PCDHA8: variants seen among roughly 807,000 people sequenced by gnomAD.
PCDHA8 encodes protocadherin alpha-8.
Under a neutral mutation model 61.8 loss-of-function variants are expected in PCDHA8, and 53 were observed. The observed-to-expected ratio is 0.86, with a 90% CI of 0.69 to 1.08. PCDHA8 has a LOEUF of 1.08. Ranked by LOEUF, PCDHA8 falls within the 50% of genes least tolerant of loss-of-function variation. PCDHA8 has a pLI of 0.00. For synonymous variants in PCDHA8, 618 were observed against 556.6 expected (o/e 1.11, Z -1.55); for missense variants, 1,293 against 1,245.0 (o/e 1.04, Z -0.58).
At chr5:140,972,783 C>T (rs1437997582) in intron 1 of PCDHA8, among the ~76,000 whole-genome samples, 2 of 151,768 alleles carry the variant, frequency 1.3e-5, no homozygotes, top group African/African-American at 4.8e-5. Context: ...TCTGCCTCAG[C>T]CTCCTGAGTA....
At chr5:140,912,116 C>G (rs2075772929) in intron 1 of PCDHA8, among the ~76,000 whole-genome samples, 1 of 152,188 alleles carries the variant, frequency 6.6e-6, no homozygotes, top group Non-Finnish European at 1.5e-5. Context: ...GGCTGGGAGG[C>G]TAAGTCAGTC....
chr5:140,861,923 A>G (rs898939301), intron 1 of PCDHA8: 1 of 153,990 alleles, frequency 6.5e-6, no homozygotes, highest in African/African-American at 2.4e-5. Flanking sequence ...GCTGGATGTA[A>G]ATGATGATGC....
At chr5:140,970,953 G>A (rs975435719) in intron 1 of PCDHA8, among the ~76,000 whole-genome samples, 16 of 152,110 alleles carry the variant, frequency 1.1e-4, no homozygotes, top group South Asian at 4.1e-4. Flanking sequence ...AGAAACCATG[G>A]GAGGCAGATT....
intron 1 of PCDHA8, among the ~76,000 whole-genome samples, chr5:140,889,643 G>A (rs141216075): frequency 1.3e-4 from 20 of 152,024 alleles, no homozygotes; most frequent in African/African-American, 4.8e-4. Context: ...ATTTGTGTTT[G>A]CAGGAGATGT....
chr5:140,843,091 G>C lies in PCDHA8; in HGVS notation c.1770G>C (p.Val590=). The C allele has an allele frequency of 6.3e-7, 1 of 1,595,616 alleles. No homozygotes were observed. Among genetic ancestry groups the C allele is most frequent in the Non-Finnish European group, 8.6e-7 (1 of 1,165,418 alleles). ...LVPRSVGAGH[V]VAKVRAVDAD... ...CGCGGTCTGTGGGCGCGGGCCACGT[G>C]GTAGCGAAGGTGCGCGCAGTGGACG... is the stretch of plus-strand genomic sequence containing the variant. The change falls in exon 1 of 4, where the codon GTG becomes GTC. Residue 590 remains valine (V), a synonymous_variant. Coordinates refer to ENST00000531613, the MANE Select transcript of PCDHA8 (RefSeq NM_018911.3).
rs376697527 is a variant in PCDHA8, at chr5:140,912,219, T to G, written c.2395-66730T>G. ...CCCAGATTGAGGGTAGATCTGCCTT[T>G]CCCAGTCCACTGACTCAAATGTTAA... On this transcript the variant is annotated intron_variant, in intron 1 of 3. Transcript: ENST00000531613. 4.3e-4 allele frequency among the ~76,000 whole-genome samples: 66 copies of G among 152,026 alleles called. 1 individual carries two copies. In the South Asian group the frequency reaches 0.013, roughly 30 times the overall value.
intron 1 of PCDHA8, chr5:140,868,741 A>G: frequency 4.8e-6 from 1 of 208,168 alleles, no homozygotes; most frequent in South Asian, 1.1e-4. Flanking sequence ...GAGAAATACA[A>G]TGCCATTTCC....
intron 1 of PCDHA8, among the ~76,000 whole-genome samples, chr5:140,951,791 A>T (rs375226786): frequency 1.3e-5 from 2 of 152,228 alleles, no homozygotes; most frequent in Non-Finnish European, 2.9e-5. Context: ...AAATACAATT[A>T]TCCCTTCCCA....
At position 140,850,379 on chromosome 5, in the gene PCDHA8, G is replaced by T. The variant is rs2150481547; in HGVS notation, c.2394+6664G>T. On this transcript the variant is annotated intron_variant, in intron 1 of 3. Coordinates refer to ENST00000531613, the MANE Select transcript of PCDHA8 (RefSeq NM_018911.3). ...TCCCGTTCCGCGTGGGGCTGTACAC[G>T]GGCGAGATCAGCACAACGCGTGCCC... is the stretch of plus-strand genomic sequence containing the variant. 2.0e-5 allele frequency: 32 copies of T among 1,597,786 alleles called. 2 individuals carry two copies. Among genetic ancestry groups the T allele is most frequent in the Admixed American group, 3.4e-5 (2 of 59,250 alleles).
At chr5:140,864,250 T>G (rs2048388075) in intron 1 of PCDHA8, 1 of 152,242 alleles carries the variant, frequency 6.6e-6, no homozygotes, top group Non-Finnish European at 1.5e-5. Flanking sequence ...ATTCATTTTC[T>G]TATTCTGATT....
intron 1 of PCDHA8, among the ~76,000 whole-genome samples, chr5:140,976,893 A>G (rs1240555240): frequency 2.0e-5 from 3 of 152,212 alleles, no homozygotes; most frequent in African/African-American, 7.2e-5. Context: ...GATACATGCA[A>G]CAGTATGTAA....
At position 140,850,679 on chromosome 5, in the gene PCDHA8, C is replaced by G. The variant is rs1439060369; in HGVS notation, c.2394+6964C>G. 22 of 1,598,382 alleles carry G rather than the reference C, an allele frequency of 1.4e-5. 2 individuals are homozygous for G. The highest frequency in any genetic ancestry group is 1.6e-5 in the Non-Finnish European group (19 of 1,167,880). The stretch of plus-strand genomic sequence containing the variant: ...TGCTGCGGTGCTCGGCGATGCCCAC[C>G]GAGGGCGAGTGCGCGCCTGGCAAGC... On this transcript the variant is annotated intron_variant, in intron 1 of 3. Coordinates refer to ENST00000531613, the MANE Select transcript of PCDHA8 (RefSeq NM_018911.3).
intron 1 of PCDHA8, among the ~76,000 whole-genome samples, chr5:140,973,273 C>T (rs1180418925): frequency 6.6e-6 from 1 of 152,150 alleles, no homozygotes; most frequent in Non-Finnish European, 1.5e-5. Context: ...ACTTTTATTT[C>T]CCCCAGCACT....
At chr5:140,862,911 G>C (rs781861917) in intron 1 of PCDHA8, 3 of 549,326 alleles carry the variant, frequency 5.5e-6, no homozygotes. Flanking sequence ...CGCTGCTGGC[G>C]CCTTGGGTGG....
At chr5:140,856,117 G>A in intron 1 of PCDHA8, 1 of 1,598,170 alleles carries the variant, frequency 6.3e-7, no homozygotes, top group East Asian at 2.2e-5. Context: ...TCGCAGCCTG[G>A]GAGGTGGGGA....
chr5:140,916,732 C>A (rs2077701110), intron 1 of PCDHA8, among the ~76,000 whole-genome samples: 1 of 152,178 alleles, frequency 6.6e-6, no homozygotes, highest in South Asian at 2.1e-4. Flanking sequence ...TTTGTTGCTG[C>A]AAGCTTCACT....
Position 140,846,625 on chromosome 5 carries a change from C to T in PCDHA8, c.2394+2910C>T, listed in dbSNP as rs2150393112. 1.6e-3 allele frequency among the ~76,000 whole-genome samples: 241 copies of T among 149,122 alleles called. 15 individuals are homozygous for T. Among genetic ancestry groups the T allele is most frequent in the African/African-American group, 5.6e-3 (229 of 40,752 alleles). On this transcript the variant is annotated intron_variant, in intron 1 of 3. Coordinates refer to ENST00000531613, the MANE Select transcript of PCDHA8 (RefSeq NM_018911.3). ...TCCTGACCTCCTGATCCGCCCACTT[C>T]GGCCTCCTAAAGTGCTGGGATTACA...
chr5:140,873,959 C>A (rs782271124), intron 1 of PCDHA8, among the ~76,000 whole-genome samples: 1 of 152,136 alleles, frequency 6.6e-6, no homozygotes, highest in Non-Finnish European at 1.5e-5. Context: ...CTGAGCCCAG[C>A]CTATTTTTTA....
intron 1 of PCDHA8, among the ~76,000 whole-genome samples, chr5:140,887,378 G>C (rs1407679123): frequency 6.6e-6 from 1 of 152,176 alleles, no homozygotes; most frequent in East Asian, 1.9e-4. Flanking sequence ...TTACAGGTGT[G>C]AGCCACCGCG....
Sources: allele counts gnomAD v4.1 joint callset (sites outside exome capture counted in the v4.1 genomes callset), GRCh38; gene constraint gnomAD v4.1.1; transcripts MANE v1.5; gene names NCBI Gene and HGNC (gene_info 2026-07-23, HGNC 2026-07-21).